Variants in FIP1L1 observed in about 807,000 individuals in gnomAD.
FIP1L1 encodes the protein factor interacting with PAPOLA and CPSF1.
FIP1L1 carries 21 observed loss-of-function variants against 84.6 expected under a neutral mutation model. That is an observed-to-expected ratio of 0.25 (90% confidence interval 0.18 to 0.36). The LOEUF (loss-of-function observed/expected upper bound fraction) is 0.36, where lower values mean the gene tolerates loss of function less well. FIP1L1 is among the 10% of genes least tolerant of loss of function. The pLI, the probability that FIP1L1 is intolerant of heterozygous loss-of-function variation, is 1.00. For missense variants in FIP1L1, 526 were observed against 751.1 expected (o/e 0.70, Z 3.50); for synonymous variants, 263 against 242.3 (o/e 1.09, Z -0.80).
chr4:53,431,353 A>G lies in FIP1L1; in HGVS notation c.1174+3170A>G, dbSNP rs374267528. Among the ~76,000 whole-genome samples, 49 of 152,364 alleles carry G rather than the reference A, an allele frequency of 3.2e-4. No homozygotes were observed. In the East Asian group the frequency reaches 7.1e-3, roughly 22 times the overall value. On this transcript the variant is annotated intron_variant, in intron 13 of 17. Transcript: ENST00000337488. The stretch of plus-strand genomic sequence containing the variant: ...CATAAGCAGCTAATGAAAGAAAGCT[A>G]TGATTCAGGATTCTTTTTAAAGTAT...
intron 10 of FIP1L1, among the ~76,000 whole-genome samples, chr4:53,400,868 A>G (rs1749863103): frequency 6.6e-6 from 1 of 152,222 alleles, no homozygotes; most frequent in African/African-American, 2.4e-5. Flanking sequence ...ATGTAGTAAT[A>G]TATAATATTG....
Position 53,404,671 on chromosome 4 carries a change from G to C in FIP1L1, c.815+4832G>C, listed in dbSNP as rs576161891. 9.0e-3 allele frequency among the ~76,000 whole-genome samples: 1,368 copies of C among 151,870 alleles called. 21 individuals are homozygous for C. Among genetic ancestry groups the C allele is most frequent in the African/African-American group, 0.03 (1,236 of 41,280 alleles). On this transcript the variant is annotated intron_variant, in intron 10 of 17. Transcript: ENST00000337488. ...TATTTCTCCACATCCTCTCCAGCAC[G>C]TGTTGTTTCCTGACTTTTTAATGAT...
At chr4:53,390,299 A>T (rs534884501) in intron 6 of FIP1L1, among the ~76,000 whole-genome samples, 30 of 152,204 alleles carry the variant, frequency 2.0e-4, no homozygotes, top group African/African-American at 7.0e-4. Flanking sequence ...GAGACTGGTA[A>T]AGTTTTTCTG....
chr4:53,405,649 G>A (rs976099273), intron 10 of FIP1L1, among the ~76,000 whole-genome samples: 1 of 144,908 alleles, frequency 6.9e-6, no homozygotes, highest in Non-Finnish European at 1.5e-5. Context: ...AGCATGGAAT[G>A]TTCTTCCATT....
At position 53,458,656 on chromosome 4, in the gene FIP1L1, T is replaced by C. The variant is rs532916562; in HGVS notation, c.1503T>C (p.Asp501=). The C allele has an allele frequency of 6.8e-6, 11 of 1,608,020 alleles. No homozygotes were observed. In the South Asian group the frequency reaches 8.9e-5, roughly 13 times the overall value. The part of the protein sequence containing the change: ...HSPTPSVFNS[D]EERYRYREYA... ...AACATTTCTATTTCAATTTCAGCGATGAAGAACGATACAGATACAGGGAAT... is the reference window on the plus strand; with the variant it reads ...AACATTTCTATTTCAATTTCAGCGACGAAGAACGATACAGATACAGGGAAT... The change falls in exon 17 of 18, where the codon GAT becomes GAC. Residue 501 remains aspartate (D), a synonymous_variant. Transcript: ENST00000337488.
chr4:53,399,685 A>T (rs762937480), intron 9 of FIP1L1, 45 bp from the exon 10 acceptor site: 1 of 1,209,914 alleles, frequency 8.3e-7, no homozygotes, highest in Non-Finnish European at 1.2e-6. Flanking sequence ...ATTATGTTTG[A>T]GTGTTCTGTT....
chr4:53,389,688 G>A (rs1403996951), intron 5 of FIP1L1, 121 bp from the exon 6 acceptor site: 5 of 699,678 alleles, frequency 7.1e-6, no homozygotes, highest in Non-Finnish European at 1.2e-5. Flanking sequence ...GAAATAAAAT[G>A]TGTGTCACAC....
chr4:53,403,443 A>C (rs902294957), intron 10 of FIP1L1, among the ~76,000 whole-genome samples: 2 of 152,244 alleles, frequency 1.3e-5, no homozygotes, highest in African/African-American at 4.8e-5. Context: ...AGGCTCAAAC[A>C]CATCTTTATT....
chr4:53,429,021 T>C (rs565710183), intron 13 of FIP1L1, among the ~76,000 whole-genome samples: 1 of 152,338 alleles, frequency 6.6e-6, no homozygotes, highest in South Asian at 2.1e-4. Context: ...CTCACTTTTA[T>C]TTGCAAGAGA....
chr4:53,437,911 G>C (rs1405635373), intron 13 of FIP1L1, among the ~76,000 whole-genome samples: 7 of 151,826 alleles, frequency 4.6e-5, no homozygotes, highest in Non-Finnish European at 5.9e-5. Flanking sequence ...ATTTTTAGTA[G>C]AGACAGGGTT....
chr4:53,401,414 G>A (rs1016744630), intron 10 of FIP1L1, among the ~76,000 whole-genome samples: 8 of 152,116 alleles, frequency 5.3e-5, no homozygotes, highest in East Asian at 1.9e-4. Flanking sequence ...GTAAAGTTTC[G>A]ATTTAGTCGC....
At chr4:53,450,458 G>A (rs142985722) in intron 15 of FIP1L1, among the ~76,000 whole-genome samples, 49 of 152,296 alleles carry the variant, frequency 3.2e-4, no homozygotes, top group Non-Finnish European at 5.7e-4. Context: ...TGCTTGAGAA[G>A]AATAATATCC....
At chr4:53,430,821 C>T (rs1766323353) in intron 13 of FIP1L1, among the ~76,000 whole-genome samples, 1 of 152,080 alleles carries the variant, frequency 6.6e-6, no homozygotes, top group Admixed American at 6.5e-5. Context: ...TATGTTTATT[C>T]TTGGTTTACA....
Position 53,459,893 on chromosome 4 carries a change from A to G in FIP1L1, c.*444A>G, listed in dbSNP as rs1197119339. On this transcript the variant is annotated 3_prime_UTR_variant, in exon 18 of 18. Transcript: ENST00000337488. ...TAGTCTTTATCATTACTGCTGTGAC[A>G]CTCTTGCTTAGTATATTAAGAGACT... 1.3e-5 allele frequency: 3 copies of G among 229,386 alleles called. No homozygotes were observed. The highest frequency in any genetic ancestry group is 2.6e-5 in the Non-Finnish European group (3 of 115,870). The allele number at this position is 229,386 out of a possible 1,614,324, so 14.2% of individuals were successfully genotyped here.
At position 53,444,026 on chromosome 4, in the gene FIP1L1, AAT is replaced by A. The variant is rs751235060; in HGVS notation, c.1230-17_1230-16del. 2.1e-5 allele frequency: 33 copies of A among 1,578,250 alleles called. No individual in the cohort carries two copies. The Middle Eastern group carries it at 2.2e-3, about 104-fold the overall frequency. On this transcript the variant is annotated intron_variant, in intron 14 of 17. Coordinates refer to ENST00000337488, the MANE Select transcript of FIP1L1 (RefSeq NM_030917.4). ...AGAACTTATTTGTACCAGACATAAA[AAT>A]ATATCTTTTTCTTCAACAGTGGACA...
chr4:53,389,796 T>C lies in FIP1L1; in HGVS notation c.333-13T>C. The C allele has an allele frequency of 1.3e-6, 2 of 1,594,958 alleles. No individual in the cohort carries two copies. Among genetic ancestry groups the C allele is most frequent in the Non-Finnish European group, 8.5e-7 (1 of 1,173,026 alleles). ...AGGATAATTTCTGTTTTTTTTTGTTTGTTTGTTTTTAGGAGTTATGGTACA... is the reference window on the plus strand; with the variant it reads ...AGGATAATTTCTGTTTTTTTTTGTTCGTTTGTTTTTAGGAGTTATGGTACA... On this transcript the variant is annotated splice_polypyrimidine_tract_variant and intron_variant, in intron 5 of 17. Coordinates refer to ENST00000337488, the MANE Select transcript of FIP1L1 (RefSeq NM_030917.4).
intron 10 of FIP1L1, 55 bp from the exon 11 acceptor site, chr4:53,414,560 G>A (rs1758607032): frequency 1.9e-5 from 22 of 1,186,680 alleles, no homozygotes; most frequent in Admixed American, 4.2e-5. Flanking sequence ...AACAGAACAA[G>A]GGGGGTCAGA....
intron 9 of FIP1L1, among the ~76,000 whole-genome samples, chr4:53,394,415 C>G (rs1366740621): frequency 1.3e-5 from 2 of 152,192 alleles, no homozygotes. Flanking sequence ...TGTTTTTTCA[C>G]ATTCCCTGAT....
chr4:53,455,435 C>T (rs981820212), intron 16 of FIP1L1, among the ~76,000 whole-genome samples: 3 of 152,046 alleles, frequency 2.0e-5, no homozygotes, highest in African/African-American at 7.2e-5. Flanking sequence ...TTCTTCCTTT[C>T]ACTTGAAGGC....
Sources: gnomAD v4.1 joint callset for allele counts (sites outside exome capture counted in the v4.1 genomes callset) on GRCh38, gnomAD v4.1.1 for gene constraint, MANE v1.5 for transcripts, NCBI Gene and HGNC (gene_info 2026-07-23, HGNC 2026-07-21) for gene names.